RAB3B: variants seen among roughly 807,000 people sequenced by gnomAD.
RAB3B encodes the protein ras-related protein Rab-3B.
A neutral mutation model predicts 20.5 loss-of-function variants in RAB3B; 11 were observed. The ratio of observed to expected loss-of-function variants is 0.54; its 90% CI spans 0.34 to 0.89. The LOEUF (loss-of-function observed/expected upper bound fraction) is 0.89. RAB3B is among the 40% of genes least tolerant of loss of function. The pLI is 0.02. For missense variants in RAB3B, 225 were observed against 280.9 expected (o/e 0.80, Z 1.42); for synonymous variants, 99 against 106.3 (o/e 0.93, Z 0.42).
rs1260908846 is a variant in RAB3B, at chr1:51,918,569, C to T, written c.*1358G>A. 2 of 151,986 alleles carry T rather than the reference C, an allele frequency of 1.3e-5. No individual in the cohort carries two copies. The highest frequency in any genetic ancestry group is 6.6e-5 in the Admixed American group (1 of 15,242). 9.4% of individuals were successfully genotyped at this position (151,986 alleles called of 1,614,324 possible). ...AATTTCCAGGAGGCAGATTTGAGCT[C>T]GATACAAGGAAAACTTTCTATGAGA... On this transcript the variant is annotated 3_prime_UTR_variant, in exon 5 of 5. Coordinates refer to ENST00000371655, the MANE Select transcript of RAB3B (RefSeq NM_002867.4).
intron 4 of RAB3B, among the ~76,000 whole-genome samples, chr1:51,929,209 C>T (rs1290715512): frequency 6.6e-6 from 1 of 152,196 alleles, no homozygotes; most frequent in Non-Finnish European, 1.5e-5. Flanking sequence ...TCTAACTCCC[C>T]ACGCAGAGAG....
At chr1:51,920,193 T>G in intron 4 of RAB3B, 79 bp from the exon 5 acceptor site, 1 of 1,303,288 alleles carries the variant, frequency 7.7e-7, no homozygotes, top group South Asian at 1.4e-5. Context: ...GCCCAAGCAC[T>G]CTGGATTAAT....
At chr1:51,960,386 A>T (rs951562502) in intron 2 of RAB3B, among the ~76,000 whole-genome samples, 3 of 152,210 alleles carry the variant, frequency 2.0e-5, no homozygotes, top group African/African-American at 7.2e-5. Context: ...CTGCCCTCCC[A>T]GCCATCTGGG....
chr1:51,976,829 C>CCAAG, intron 2 of RAB3B, 61 bp downstream of exon 2: 1 of 1,473,080 alleles, frequency 6.8e-7, no homozygotes, highest in Non-Finnish European at 9.5e-7. Flanking sequence ...ACCTCTAAGC[C>CCAAG]CTTGTACTGG....
chr1:51,952,809 C>G (rs1039833893), intron 2 of RAB3B, among the ~76,000 whole-genome samples: 1 of 152,142 alleles, frequency 6.6e-6, no homozygotes, highest in Non-Finnish European at 1.5e-5. Flanking sequence ...CAAACACACC[C>G]CTTTTCTGGA....
At chr1:51,959,542 T>G (rs1182114558) in intron 2 of RAB3B, among the ~76,000 whole-genome samples, 1 of 151,632 alleles carries the variant, frequency 6.6e-6, no homozygotes, top group Non-Finnish European at 1.5e-5. Context: ...AAAGGAAATG[T>G]GGGTAGAGGG....
intron 2 of RAB3B, among the ~76,000 whole-genome samples, chr1:51,961,659 A>C (rs899740155): frequency 1.2e-4 from 19 of 152,358 alleles, no homozygotes; most frequent in African/African-American, 2.4e-4. Flanking sequence ...ATTGCTGCCC[A>C]AAAATTGTAA....
At chr1:51,958,730 A>C (rs1684745494) in intron 2 of RAB3B, among the ~76,000 whole-genome samples, 1 of 151,768 alleles carries the variant, frequency 6.6e-6, no homozygotes, top group African/African-American at 2.4e-5. Flanking sequence ...GTCTCAAAAA[A>C]AAAAAAAAGA....
rs1182691277 is a variant in RAB3B at position 51,915,513 on chromosome 1, T to C, written c.*4414A>G. 1 of 152,188 alleles carries C rather than the reference T, an allele frequency of 6.6e-6. No individual in the cohort carries two copies. Among genetic ancestry groups the C allele is most frequent in the Non-Finnish European group, 1.5e-5 (1 of 68,038 alleles). 9.4% of individuals were successfully genotyped at this position (152,188 alleles called of 1,614,324 possible). ...TCTGTGACCATTCAGTACACTCTAC[T>C]CCACTGCTGCTCCTAGAAGTTAATA... On this transcript the variant is annotated 3_prime_UTR_variant, in exon 5 of 5. Coordinates refer to ENST00000371655, the MANE Select transcript of RAB3B (RefSeq NM_002867.4).
intron 4 of RAB3B, among the ~76,000 whole-genome samples, chr1:51,929,902 A>C (rs1294631949): frequency 6.6e-6 from 1 of 152,234 alleles, no homozygotes; most frequent in Non-Finnish European, 1.5e-5. Flanking sequence ...CAGCGTGCTC[A>C]ATAAATGTTT....
intron 2 of RAB3B, among the ~76,000 whole-genome samples, chr1:51,969,516 T>C (rs748028536): frequency 6.6e-6 from 1 of 152,202 alleles, no homozygotes; most frequent in African/African-American, 2.4e-5. Flanking sequence ...GGCCTATGAC[T>C]GGGTTTGTGT....
At chr1:51,940,970 C>G (rs1684485428) in intron 2 of RAB3B, among the ~76,000 whole-genome samples, 1 of 151,888 alleles carries the variant, frequency 6.6e-6, no homozygotes, top group Non-Finnish European at 1.5e-5. Context: ...CAAACCCACA[C>G]CCAACTTTCA....
intron 2 of RAB3B, among the ~76,000 whole-genome samples, chr1:51,946,233 A>T (rs1316031821): frequency 6.6e-6 from 1 of 152,116 alleles, no homozygotes; most frequent in Admixed American, 6.6e-5. Flanking sequence ...ATTACTGTTG[A>T]TATTGTTGAC....
rs1683986840 is a variant in RAB3B, at chr1:51,910,774, C to T, written c.*9153G>A. ...GCCCAGAGATAAGAATGACTTAACC[C>T]AAGCTGCACAGCCTCTTAACAGTCC... On this transcript the variant is annotated 3_prime_UTR_variant, in exon 5 of 5. Coordinates refer to ENST00000371655, the MANE Select transcript of RAB3B (RefSeq NM_002867.4). The T allele has an allele frequency of 6.6e-6, 1 of 152,152 alleles. No homozygotes were observed. The highest frequency in any genetic ancestry group is 2.1e-4 in the South Asian group (1 of 4,832). The allele number at this position is 152,152 out of a possible 1,614,324, so 9.4% of individuals were successfully genotyped here.
chr1:51,958,499 A>G (rs1008536460), intron 2 of RAB3B, among the ~76,000 whole-genome samples: 23 of 152,076 alleles, frequency 1.5e-4, no homozygotes, highest in Admixed American at 3.3e-4. Flanking sequence ...CGAGGTGGGC[A>G]GATCACCTGA....
intron 2 of RAB3B, among the ~76,000 whole-genome samples, chr1:51,947,081 A>C (rs963794249): frequency 2.6e-5 from 4 of 152,148 alleles, no homozygotes; most frequent in Admixed American, 2.6e-4. Flanking sequence ...CTAGGGTCAC[A>C]AACAATAAGG....
intron 2 of RAB3B, among the ~76,000 whole-genome samples, chr1:51,963,864 A>C (rs536757694): frequency 6.6e-6 from 1 of 152,290 alleles, no homozygotes; most frequent in East Asian, 1.9e-4. Flanking sequence ...CCCCAGTTCA[A>C]GGATATTGTC....
At chr1:51,984,551 G>A (rs953502535) in intron 1 of RAB3B, among the ~76,000 whole-genome samples, 4 of 151,350 alleles carry the variant, frequency 2.6e-5, no homozygotes, top group Non-Finnish European at 5.9e-5. Flanking sequence ...CCATCACACC[G>A]GCTAATTTTT....
At chr1:51,927,037 G>A (rs910500510) in intron 4 of RAB3B, among the ~76,000 whole-genome samples, 1 of 152,160 alleles carries the variant, frequency 6.6e-6, no homozygotes, top group African/African-American at 2.4e-5. Flanking sequence ...GAGGATTTTC[G>A]TGAAAGCATA....
Sources: gnomAD v4.1 joint callset for allele counts (sites outside exome capture counted in the v4.1 genomes callset) on GRCh38, gnomAD v4.1.1 for gene constraint, MANE v1.5 for transcripts, NCBI Gene and HGNC (gene_info 2026-07-23, HGNC 2026-07-21) for gene names.